PGCKA1: variants seen among roughly 807,000 people sequenced by gnomAD.
The protein encoded by PGCKA1 is PDCD10 and GCKIII kinases associated 1, also known as PDCD10 and GCKIII kinases-associated protein 1.
the PGCKA1 span, among the ~76,000 whole-genome samples, chr4:37,539,220 G>T: frequency 0.25 from 38,424 of 152,026 alleles, 5,069 homozygotes; most frequent in Non-Finnish European, 0.3. Context: ...GCTGTTAAAA[G>T]GAGGATGTTA....
At chr4:37,563,086 T>C in the PGCKA1 span, among the ~76,000 whole-genome samples, 1 of 150,566 alleles carries the variant, frequency 6.6e-6, no homozygotes, top group African/African-American at 2.4e-5. Context: ...AGGTTTTTTC[T>C]TGTCTTCCGA....
At chr4:37,592,497 C>T in the PGCKA1 span, among the ~76,000 whole-genome samples, 5 of 152,062 alleles carry the variant, frequency 3.3e-5, no homozygotes, top group Non-Finnish European at 7.4e-5. Flanking sequence ...CAAAGATGAA[C>T]AAGCCCTCTC....
chr4:37,569,979 C>CTTTTTTTTT, the PGCKA1 span, among the ~76,000 whole-genome samples: 1 of 119,280 alleles, frequency 8.4e-6, no homozygotes, highest in Non-Finnish European at 1.6e-5. Flanking sequence ...GCATATAATC[C>CTTTTTTTTT]TTTTTTTTTT....
At chr4:37,534,476 A>G in the PGCKA1 span, among the ~76,000 whole-genome samples, 9 of 152,218 alleles carry the variant, frequency 5.9e-5, no homozygotes, top group Non-Finnish European at 1.2e-4. Flanking sequence ...AGTACCCACT[A>G]TGTGCTTGCT....
At chr4:37,508,683 C>T in the PGCKA1 span, among the ~76,000 whole-genome samples, 183 of 84,734 alleles carry the variant, frequency 2.2e-3, no homozygotes, top group African/African-American at 6.0e-3. Context: ...TTTGCTGAAT[C>T]TTTTTTTTAG....
At chr4:37,516,091 A>C in the PGCKA1 span, among the ~76,000 whole-genome samples, 1 of 152,326 alleles carries the variant, frequency 6.6e-6, no homozygotes, top group South Asian at 2.1e-4. Flanking sequence ...TATTCATACA[A>C]ACTATTTAGG....
chr4:37,533,366 T>G, the PGCKA1 span, among the ~76,000 whole-genome samples: 1 of 152,226 alleles, frequency 6.6e-6, no homozygotes, highest in Non-Finnish European at 1.5e-5. Context: ...GTTCTTTTAC[T>G]TCTACCCTGT....
the PGCKA1 span, among the ~76,000 whole-genome samples, chr4:37,507,684 T>C: frequency 2.0e-5 from 3 of 152,200 alleles, no homozygotes; most frequent in Non-Finnish European, 1.5e-5. Flanking sequence ...TCTTTTAGTC[T>C]TTCTGTCTAA....
At chr4:37,462,428 T>A in the PGCKA1 span, among the ~76,000 whole-genome samples, 1 of 152,246 alleles carries the variant, frequency 6.6e-6, no homozygotes, top group Non-Finnish European at 1.5e-5. Flanking sequence ...ATTATCAAAC[T>A]GATCAGTCTT....
chr4:37,465,361 A>G, the PGCKA1 span, among the ~76,000 whole-genome samples: 1 of 152,096 alleles, frequency 6.6e-6, no homozygotes, highest in African/African-American at 2.4e-5. Flanking sequence ...CCTGGACACA[A>G]TCTTGGTGGG....
chr4:37,558,557 C>T, the PGCKA1 span, among the ~76,000 whole-genome samples: 1 of 151,922 alleles, frequency 6.6e-6, no homozygotes, highest in African/African-American at 2.4e-5. Flanking sequence ...GTCTAAAACA[C>T]CAAAAGCAAT....
the PGCKA1 span, among the ~76,000 whole-genome samples, chr4:37,495,206 C>T: frequency 6.6e-6 from 1 of 152,012 alleles, no homozygotes; most frequent in Admixed American, 6.6e-5. Flanking sequence ...GTTAGAATGG[C>T]GATCATTCTT....
At chr4:37,482,334 T>G in the PGCKA1 span, among the ~76,000 whole-genome samples, 1 of 152,190 alleles carries the variant, frequency 6.6e-6, no homozygotes, top group Non-Finnish European at 1.5e-5. Context: ...ATATGGATAA[T>G]AAAGTCCAGG....
chr4:37,565,683 T>G, the PGCKA1 span, among the ~76,000 whole-genome samples: 2 of 152,168 alleles, frequency 1.3e-5, no homozygotes, highest in African/African-American at 4.8e-5. Context: ...GTCTAGCCAG[T>G]GCTAGAGGAA....
chr4:37,499,634 G>C, the PGCKA1 span, among the ~76,000 whole-genome samples: 11,747 of 152,002 alleles, frequency 0.077, 728 homozygotes, highest in South Asian at 0.24. Context: ...TTTCTGTGTG[G>C]TCAGTGGTAA....
the PGCKA1 span, among the ~76,000 whole-genome samples, chr4:37,467,230 G>C: frequency 1.3e-5 from 2 of 152,182 alleles, no homozygotes; most frequent in Non-Finnish European, 2.9e-5. Flanking sequence ...GAAGAAAAAT[G>C]CACTTAGTGT....
At chr4:37,569,057 A>T in the PGCKA1 span, among the ~76,000 whole-genome samples, 1 of 151,048 alleles carries the variant, frequency 6.6e-6, no homozygotes, top group Non-Finnish European at 1.5e-5. Flanking sequence ...AGATGATGCC[A>T]CTGTGCTCCA....
the PGCKA1 span, among the ~76,000 whole-genome samples, chr4:37,547,803 A>G: frequency 8.5e-5 from 13 of 152,224 alleles, no homozygotes; most frequent in Non-Finnish European, 1.9e-4. Flanking sequence ...TTCTAAGTTA[A>G]TTTAGACTAA....
At chr4:37,518,897 T>G in the PGCKA1 span, among the ~76,000 whole-genome samples, 2 of 152,220 alleles carry the variant, frequency 1.3e-5, no homozygotes, top group Admixed American at 1.3e-4. Flanking sequence ...AGTTTCATAG[T>G]TTGAGGTCTT....
Sources: allele counts gnomAD v4.1 joint callset (sites outside exome capture counted in the v4.1 genomes callset), GRCh38; gene constraint gnomAD v4.1.1; transcripts MANE v1.5; gene names NCBI Gene and HGNC (gene_info 2026-07-23, HGNC 2026-07-21).